The following MYT1L variants were observed in gnomAD, a reference collection of about 807,000 sequenced individuals.
MYT1L encodes myelin transcription factor 1 like.
In MYT1L, 12 loss-of-function variants were observed where a neutral mutation model predicts 126.7. That is an observed-to-expected ratio of 0.09 (90% CI 0.06 to 0.15). The LOEUF is 0.15. Ranked by LOEUF, MYT1L falls within the 10% of genes least tolerant of loss-of-function variation. MYT1L has a pLI of 1.00. For synonymous variants in MYT1L, 541 were observed against 604.2 expected, an observed-to-expected ratio of 0.90 and a Z score of 1.53; for missense variants, 979 against 1,585.2, an observed-to-expected ratio of 0.62 and a Z score of 6.49.
At chr2:1,947,299 G>A (rs562971533) in intron 8 of MYT1L, among the ~76,000 whole-genome samples, 2 of 152,188 alleles carry the variant, frequency 1.3e-5, no homozygotes. Flanking sequence ...CAGACTGTGC[G>A]ATGTTGGCCC....
intron 2 of MYT1L, among the ~76,000 whole-genome samples, chr2:2,213,324 G>A (rs2093586534): frequency 6.6e-6 from 1 of 152,194 alleles, no homozygotes; most frequent in Admixed American, 6.5e-5. Flanking sequence ...TGAGGAGACA[G>A]AGCTTAGTGT....
At chr2:1,951,068 G>T (rs911778106) in intron 8 of MYT1L, among the ~76,000 whole-genome samples, 1 of 152,096 alleles carries the variant, frequency 6.6e-6, no homozygotes, top group African/African-American at 2.4e-5. Flanking sequence ...GTCTTTGCTG[G>T]CTTGGTTTTG....
intron 1 of MYT1L, among the ~76,000 whole-genome samples, chr2:2,285,024 ACTT>A (rs2095499102): frequency 6.6e-6 from 1 of 152,142 alleles, no homozygotes; most frequent in South Asian, 2.1e-4. Context: ...CCAAAGTTGT[ACTT>A]CTTTTAAAAT....
intron 2 of MYT1L, among the ~76,000 whole-genome samples, chr2:2,189,030 C>G (rs2092402290): frequency 6.6e-6 from 1 of 152,148 alleles, no homozygotes; most frequent in Non-Finnish European, 1.5e-5. Flanking sequence ...TCCTCCCCAG[C>G]GTAGCCAAGA....
chr2:1,988,174 C>G lies in MYT1L; in HGVS notation c.1-8397G>C, dbSNP rs138323638. On this transcript the variant is annotated intron_variant, in intron 5 of 24. Transcript: ENST00000647738. Reference sequence around the variant, plus strand: ...TGCCACATTCCCACCCTCCCGCCAGCCCAGCTGCACCTACAGGGTGGAAAC... The same window carrying G: ...TGCCACATTCCCACCCTCCCGCCAGGCCAGCTGCACCTACAGGGTGGAAAC... 5.5e-3 allele frequency among the ~76,000 whole-genome samples: 836 copies of G among 152,104 alleles called. 8 individuals are homozygous for G. The highest frequency in any genetic ancestry group is 0.019 in the African/African-American group (786 of 41,466).
At chr2:1,805,612 A>G (rs1296341127) in intron 22 of MYT1L, among the ~76,000 whole-genome samples, 2 of 152,228 alleles carry the variant, frequency 1.3e-5, no homozygotes, top group Non-Finnish European at 2.9e-5. Context: ...AAGGCCAGGC[A>G]TAGTGGCTTA....
chr2:2,074,712 CT>C (rs1283661432), intron 3 of MYT1L, among the ~76,000 whole-genome samples: 1 of 152,062 alleles, frequency 6.6e-6, no homozygotes, highest in African/African-American at 2.4e-5. Context: ...GTCTTCTGGA[CT>C]GAGATGAAAC....
intron 3 of MYT1L, among the ~76,000 whole-genome samples, chr2:2,061,058 T>C (rs907633316): frequency 3.9e-5 from 6 of 152,146 alleles, no homozygotes; most frequent in Non-Finnish European, 5.9e-5. Flanking sequence ...ATCAGAGAAA[T>C]AGTGATCTGC....
intron 3 of MYT1L, among the ~76,000 whole-genome samples, chr2:2,143,325 G>A (rs1445666087): frequency 6.6e-6 from 1 of 150,466 alleles, no homozygotes; most frequent in African/African-American, 2.4e-5. Flanking sequence ...AGATTCTGAA[G>A]TTTAAAAACA....
chr2:2,177,753 A>G (rs993025209), intron 2 of MYT1L, among the ~76,000 whole-genome samples: 3 of 152,192 alleles, frequency 2.0e-5, no homozygotes, highest in Non-Finnish European at 4.4e-5. Context: ...TGAGAACAGC[A>G]TGGGGTAGGG....
At chr2:2,288,313 G>A (rs564201067) in intron 1 of MYT1L, among the ~76,000 whole-genome samples, 15 of 152,130 alleles carry the variant, frequency 9.9e-5, no homozygotes, top group African/African-American at 3.4e-4. Flanking sequence ...CTCAGCAAGC[G>A]CTCTTAAATA....
intron 4 of MYT1L, among the ~76,000 whole-genome samples, chr2:2,003,554 T>G (rs2062629090): frequency 6.6e-6 from 1 of 152,216 alleles, no homozygotes; most frequent in African/African-American, 2.4e-5. Flanking sequence ...TGCTGCTTCC[T>G]CCGGCAGCCA....
chr2:2,284,911 A>G (rs1413143758), intron 1 of MYT1L, among the ~76,000 whole-genome samples: 1 of 152,058 alleles, frequency 6.6e-6, no homozygotes. Flanking sequence ...ATCATGTGCT[A>G]TGTTGGCCAG....
intron 5 of MYT1L, among the ~76,000 whole-genome samples, chr2:1,990,882 T>C (rs544211007): frequency 6.6e-6 from 1 of 152,300 alleles, no homozygotes; most frequent in Non-Finnish European, 1.5e-5. Flanking sequence ...TGCACACTGC[T>C]CTGGGATGTG....
At chr2:1,863,228 G>T (rs1056798342) in intron 18 of MYT1L, among the ~76,000 whole-genome samples, 2 of 152,174 alleles carry the variant, frequency 1.3e-5, no homozygotes, top group African/African-American at 4.8e-5. Flanking sequence ...ACTGAGTGTG[G>T]AGTGTGCTGT....
chr2:2,027,154 G>A (rs1449830830), intron 4 of MYT1L, among the ~76,000 whole-genome samples: 8 of 152,300 alleles, frequency 5.3e-5, no homozygotes, highest in Non-Finnish European at 2.9e-5. Context: ...GCCCCTGAGA[G>A]AGGCAGGTGC....
At chr2:2,037,296 T>C (rs1055032670) in intron 4 of MYT1L, among the ~76,000 whole-genome samples, 5 of 152,208 alleles carry the variant, frequency 3.3e-5, no homozygotes, top group African/African-American at 1.2e-4. Context: ...CCACGTTATT[T>C]CCCATTGAAT....
At chr2:2,219,960 C>T (rs1315280418) in intron 2 of MYT1L, among the ~76,000 whole-genome samples, 1 of 150,450 alleles carries the variant, frequency 6.6e-6, no homozygotes, top group Non-Finnish European at 1.5e-5. Flanking sequence ...CCATCTTTCC[C>T]TTGCAGAGTT....
chr2:2,115,686 C>A (rs1021176113), intron 3 of MYT1L, among the ~76,000 whole-genome samples: 1 of 152,210 alleles, frequency 6.6e-6, no homozygotes, highest in Non-Finnish European at 1.5e-5. Flanking sequence ...TTCTGTGGCT[C>A]GGTCTTGTGC....
Sources: gnomAD v4.1 joint callset for allele counts (sites outside exome capture counted in the v4.1 genomes callset) on GRCh38, gnomAD v4.1.1 for gene constraint, MANE v1.5 for transcripts, NCBI Gene and HGNC (gene_info 2026-07-23, HGNC 2026-07-21) for gene names.